Variants in SPACA6 observed in about 807,000 individuals in gnomAD.
SPACA6 encodes the protein sperm acrosome membrane-associated protein 6.
For missense variants in SPACA6, 8 were observed against 2.8 expected (o/e 2.88, Z -1.34); for synonymous variants, 6 against 1.5 (o/e 4.05, Z -2.21).
upstream of SPACA6, chr19:51,686,041 C>A (rs2083326983): frequency 6.6e-6 from 1 of 152,104 alleles, no homozygotes; most frequent in Non-Finnish European, 1.5e-5. Context: ...ATCCTGAGTT[C>A]TGGATATTTG....
upstream of SPACA6, among the ~76,000 whole-genome samples, chr19:51,690,417 A>T (rs2083360096): frequency 6.6e-6 from 1 of 152,068 alleles, no homozygotes; most frequent in African/African-American, 2.4e-5. Context: ...CTCCCTTTGA[A>T]GCCTGCAGTT....
At chr19:51,694,243 C>T (rs77742698) in intron 1 of SPACA6, 18,584 of 369,220 alleles carry the variant, frequency 0.05, 782 homozygotes, top group East Asian at 0.13. Flanking sequence ...GAGAGGAGGA[C>T]AGAGATGAGG....
intron 4 of SPACA6, 141 bp downstream of exon 4, chr19:51,702,793 C>A (rs192994937): frequency 2.1e-4 from 83 of 398,776 alleles, no homozygotes; most frequent in Non-Finnish European, 3.1e-5. Context: ...AGGAAGAAAA[C>A]CAAGTATTGC....
At chr19:51,691,565 G>A (rs2083373144), upstream of SPACA6, among the ~76,000 whole-genome samples, 1 of 151,754 alleles carries the variant, frequency 6.6e-6, no homozygotes, top group Non-Finnish European at 1.5e-5. Flanking sequence ...GAGGAGAGAG[G>A]CGATGGGCAG....
upstream of SPACA6, among the ~76,000 whole-genome samples, chr19:51,691,939 C>T (rs116185360): frequency 2.0e-5 from 3 of 152,108 alleles, no homozygotes; most frequent in Admixed American, 1.3e-4. Flanking sequence ...TGAGGCTCAG[C>T]CCCCTCACCT....
chr19:51,689,810 G>A (rs2083353988), upstream of SPACA6, among the ~76,000 whole-genome samples: 1 of 151,936 alleles, frequency 6.6e-6, no homozygotes, highest in Non-Finnish European at 1.5e-5. Context: ...GGATTCAAGA[G>A]GGAGGACAGA....
upstream of SPACA6, among the ~76,000 whole-genome samples, chr19:51,691,110 C>T (rs1342464788): frequency 1.3e-5 from 2 of 151,928 alleles, no homozygotes; most frequent in South Asian, 4.1e-4. Flanking sequence ...GTCGCTACCC[C>T]AGCCCTGGGC....
At chr19:51,702,244 C>T (rs2083474145) in intron 3 of SPACA6, among the ~76,000 whole-genome samples, 1 of 151,906 alleles carries the variant, frequency 6.6e-6, no homozygotes, top group African/African-American at 2.4e-5. Flanking sequence ...TACTACTAAC[C>T]TGGCCACGCC....
chr19:51,694,365 G>C, intron 1 of SPACA6, 113 bp from the exon 2 acceptor site: 1 of 397,986 alleles, frequency 2.5e-6, no homozygotes, highest in Non-Finnish European at 4.4e-6. Flanking sequence ...GAGTCAGAGA[G>C]GGGAGGATAC....
At chr19:51,697,154 C>T (rs951942241) in intron 2 of SPACA6, among the ~76,000 whole-genome samples, 1 of 152,206 alleles carries the variant, frequency 6.6e-6, no homozygotes, top group East Asian at 1.9e-4. Context: ...CTTTGAGAAT[C>T]ACTGTTGTAG....
upstream of SPACA6, among the ~76,000 whole-genome samples, chr19:51,690,049 G>A (rs928145803): frequency 6.7e-6 from 1 of 150,306 alleles, no homozygotes; most frequent in African/African-American, 2.5e-5. Context: ...GAGGTTGTCT[G>A]GGCTGCCAGA....
At chr19:51,683,363 TA>T in the SPACA6 span, among the ~76,000 whole-genome samples, 1 of 152,160 alleles carries the variant, frequency 6.6e-6, no homozygotes, top group Admixed American at 6.5e-5. Flanking sequence ...ATTACATCTG[TA>T]AAGGCTCTCA....
downstream of SPACA6, among the ~76,000 whole-genome samples, chr19:51,706,559 A>G (rs1433947729): frequency 6.6e-6 from 1 of 151,876 alleles, no homozygotes; most frequent in Admixed American, 6.6e-5. Context: ...CACCTCTCTC[A>G]TTGCACAGAT....
At chr19:51,706,346 T>C (rs987018248), downstream of SPACA6, among the ~76,000 whole-genome samples, 2 of 152,160 alleles carry the variant, frequency 1.3e-5, no homozygotes, top group Non-Finnish European at 2.9e-5. Flanking sequence ...TTACATCTAT[T>C]AACCCCGCTA....
Position 51,703,376 on chromosome 19 carries a change from G to A in SPACA6, c.573+39G>A, listed in dbSNP as rs1386126186. The A allele has an allele frequency of 2.5e-6, 1 of 399,220 alleles. No individual in the cohort carries two copies. The allele number at this position is 399,220 out of a possible 1,614,324, so 24.7% of individuals were successfully genotyped here. A position where few individuals can be genotyped will look rare whatever the true frequency, so the allele number is the denominator to read the frequency against. ...GGGCCGGCGCGAAGAGTTTAGACGG[G>A]CGAGTTAGCCTTCACTAGAGGTTGG... On this transcript the variant is annotated intron_variant, in intron 6 of 8. Transcript: ENST00000637797. This position sits in a 1 kb window ranked among gnomAD's most constrained non-coding sequence, Gnocchi z 4.2.
At chr19:51,694,584 G>A in intron 2 of SPACA6, 29 bp downstream of exon 2, 1 of 399,576 alleles carries the variant, frequency 2.5e-6, no homozygotes, top group Non-Finnish European at 4.4e-6. Context: ...GGAGATGGGA[G>A]ATGTGGACTT....
the SPACA6 span, among the ~76,000 whole-genome samples, chr19:51,683,646 G>C: frequency 6.6e-6 from 1 of 152,156 alleles, no homozygotes; most frequent in Non-Finnish European, 1.5e-5. Flanking sequence ...AGAATAAAGA[G>C]CTAGCTCTGT....
intron 2 of SPACA6, among the ~76,000 whole-genome samples, chr19:51,700,362 C>T (rs918193849): frequency 5.3e-5 from 8 of 152,146 alleles, no homozygotes; most frequent in Admixed American, 4.6e-4. Flanking sequence ...GGTGTGTGCC[C>T]CATTTCAAGG....
chr19:51,702,090 C>A (rs2083472894), intron 3 of SPACA6, among the ~76,000 whole-genome samples: 1 of 152,086 alleles, frequency 6.6e-6, no homozygotes, highest in South Asian at 2.1e-4. Context: ...CTGAGACCCC[C>A]CATCCACTCC....
Sources: allele counts gnomAD v4.1 joint callset (sites outside exome capture counted in the v4.1 genomes callset), GRCh38; gene constraint gnomAD v4.1.1; non-coding constraint Gnocchi (gnomAD v3.1); transcripts MANE v1.5; gene names NCBI Gene and HGNC (gene_info 2026-07-23, HGNC 2026-07-21).